The following NCAM2 variants were observed in gnomAD, a reference collection of about 807,000 sequenced individuals.
The protein encoded by NCAM2 is N-CAM-2.
In NCAM2, 30 loss-of-function variants were observed where a neutral mutation model predicts 98.1. The observed-to-expected ratio is 0.31, with a 90% confidence interval of 0.23 to 0.41. The LOEUF (loss-of-function observed/expected upper bound fraction) is 0.41, where lower values mean the gene tolerates loss of function less well. NCAM2 is among the 10% of genes least tolerant of loss of function. The pLI is 1.00. For synonymous variants in NCAM2, 368 were observed against 342.4 expected, an observed-to-expected ratio of 1.07 and a Z score of -0.83; for missense variants, 867 against 1,005.8, an observed-to-expected ratio of 0.86 and a Z score of 1.87.
intron 9 of NCAM2, among the ~76,000 whole-genome samples, chr21:21,378,519 G>T (rs1033992507): frequency 2.0e-5 from 3 of 151,938 alleles, no homozygotes; most frequent in Non-Finnish European, 4.4e-5. Flanking sequence ...TTAAAATCAG[G>T]TTGTTTTCTT....
At chr21:21,436,301 A>T (rs1488237240) in intron 12 of NCAM2, among the ~76,000 whole-genome samples, 1 of 152,076 alleles carries the variant, frequency 6.6e-6, no homozygotes, top group Non-Finnish European at 1.5e-5. Flanking sequence ...CCTTACTCAC[A>T]TTTTCCCATC....
At chr21:21,320,361 A>C (rs1200102804) in intron 5 of NCAM2, among the ~76,000 whole-genome samples, 2 of 152,144 alleles carry the variant, frequency 1.3e-5, no homozygotes, top group Admixed American at 6.5e-5. Flanking sequence ...TTATAAAATT[A>C]TTGTTCCTTA....
chr21:21,150,411 C>G (rs904452746), intron 1 of NCAM2, among the ~76,000 whole-genome samples: 2 of 151,986 alleles, frequency 1.3e-5, no homozygotes, highest in Admixed American at 6.6e-5. Flanking sequence ...ATATCCTTGT[C>G]TTGTTCCTGA....
intron 16 of NCAM2, among the ~76,000 whole-genome samples, chr21:21,519,573 T>C (rs1035102550): frequency 1.9e-4 from 1 of 5,200 alleles, no homozygotes; most frequent in Non-Finnish European, 3.5e-4. Context: ...CTGTTATTTG[T>C]TAATTTGTCC....
At chr21:21,434,811 A>G (rs1215468973) in intron 12 of NCAM2, among the ~76,000 whole-genome samples, 2 of 152,198 alleles carry the variant, frequency 1.3e-5, no homozygotes, top group Admixed American at 6.5e-5. Context: ...TCCATGAAAG[A>G]TAAACCTCAA....
At chr21:21,380,928 C>A (rs1014008982) in intron 9 of NCAM2, among the ~76,000 whole-genome samples, 7 of 152,196 alleles carry the variant, frequency 4.6e-5, no homozygotes, top group Non-Finnish European at 7.3e-5. Flanking sequence ...GCTGATCTCT[C>A]ACTTGACATA....
At chr21:21,261,683 T>C (rs545271551) in intron 1 of NCAM2, among the ~76,000 whole-genome samples, 2 of 152,158 alleles carry the variant, frequency 1.3e-5, no homozygotes, top group Non-Finnish European at 2.9e-5. Context: ...AGACACAACA[T>C]ACCAAAATTG....
intron 1 of NCAM2, among the ~76,000 whole-genome samples, chr21:21,118,728 TCTCACCCACATCCATC>T (rs1475821096): frequency 1.3e-5 from 2 of 152,098 alleles, no homozygotes; most frequent in Non-Finnish European, 2.9e-5. Context: ...TCCCAATATT[TCTCACCCACATCCATC>T]CTCAACACAC....
intron 1 of NCAM2, among the ~76,000 whole-genome samples, chr21:21,102,497 T>C (rs990977884): frequency 6.6e-6 from 1 of 151,966 alleles, no homozygotes; most frequent in Non-Finnish European, 1.5e-5. Context: ...TGATCATTCA[T>C]AAAATTTTTT....
intron 3 of NCAM2, 134 bp from the exon 4 acceptor site, chr21:21,286,135 G>A (rs778024824): frequency 3.8e-5 from 37 of 974,614 alleles, no homozygotes; most frequent in Non-Finnish European, 5.0e-5. Flanking sequence ...TCTAGTTTAA[G>A]ATTTTAAAGT....
chr21:21,281,846 A>G (rs1245454283), intron 2 of NCAM2, among the ~76,000 whole-genome samples: 1 of 151,780 alleles, frequency 6.6e-6, no homozygotes, highest in Non-Finnish European at 1.5e-5. Context: ...TATTTAAACC[A>G]AGATTCAAAT....
At chr21:21,058,545 A>G (rs9980977) in intron 1 of NCAM2, among the ~76,000 whole-genome samples, 143,061 of 152,156 alleles carry the variant, frequency 0.94, 67,887 homozygotes, top group East Asian at 1. Context: ...AGAGGCAGAA[A>G]TATGTTGCCT....
chr21:21,358,503 G>A (rs946231846), intron 8 of NCAM2, among the ~76,000 whole-genome samples: 6 of 151,722 alleles, frequency 4.0e-5, no homozygotes, highest in Non-Finnish European at 8.8e-5. Context: ...AAAAATACAC[G>A]CACATCCACT....
At chr21:21,462,586 A>G (rs897963440) in intron 12 of NCAM2, among the ~76,000 whole-genome samples, 5 of 152,114 alleles carry the variant, frequency 3.3e-5, no homozygotes, top group Non-Finnish European at 7.4e-5. Flanking sequence ...TCTCTCTACT[A>G]TGATCATTTC....
chr21:21,392,525 C>T (rs1297892830), intron 9 of NCAM2, among the ~76,000 whole-genome samples: 1 of 152,198 alleles, frequency 6.6e-6, no homozygotes, highest in Non-Finnish European at 1.5e-5. Context: ...AGAATCCCCA[C>T]ACAGTCTTCC....
intron 16 of NCAM2, among the ~76,000 whole-genome samples, chr21:21,517,157 C>G (rs1401069164): frequency 6.6e-6 from 1 of 152,160 alleles, no homozygotes; most frequent in East Asian, 1.9e-4. Flanking sequence ...ATTTCCAGTT[C>G]CACTTCAATT....
At chr21:21,412,636 A>T (rs79060881) in intron 10 of NCAM2, among the ~76,000 whole-genome samples, 4,170 of 152,276 alleles carry the variant, frequency 0.027, 103 homozygotes, top group African/African-American at 0.05. Context: ...ATAAAATTTT[A>T]AAAAACCCAC....
intron 9 of NCAM2, among the ~76,000 whole-genome samples, chr21:21,379,813 ATG>A (rs902011787): frequency 2.0e-5 from 3 of 151,872 alleles, no homozygotes; most frequent in Non-Finnish European, 4.4e-5. Context: ...TAAGATATAT[ATG>A]TATATATATA....
At chr21:21,418,712 A>C in intron 11 of NCAM2, 143 bp downstream of exon 11, 1 of 697,682 alleles carries the variant, frequency 1.4e-6, no homozygotes, top group East Asian at 2.7e-5. Flanking sequence ...TGTGGTTACC[A>C]GAGGCTTGGT....
Sources: allele counts gnomAD v4.1 joint callset (sites outside exome capture counted in the v4.1 genomes callset), GRCh38; gene constraint gnomAD v4.1.1; transcripts MANE v1.5; gene names NCBI Gene and HGNC (gene_info 2026-07-23, HGNC 2026-07-21).